LDLRAD3: variants seen among roughly 807,000 people sequenced by gnomAD.
LDLRAD3 encodes low density lipoprotein receptor class A domain containing 3.
In LDLRAD3, 20 loss-of-function variants were observed where a neutral mutation model predicts 29.4. That is an observed-to-expected ratio of 0.68 (90% CI 0.48 to 0.99). The LOEUF is 0.99. LDLRAD3 is among the 50% of genes least tolerant of loss of function. The probability of loss-of-function intolerance (pLI) is 0.00; values close to 1 mark genes in which losing one functional copy is unlikely to be tolerated. For synonymous variants in LDLRAD3, 157 were observed against 192.7 expected (o/e 0.81, Z 1.53); for missense variants, 420 against 454.3 (o/e 0.92, Z 0.69).
chr11:36,149,536 G>A (rs1235263997), intron 4 of LDLRAD3, among the ~76,000 whole-genome samples: 1 of 152,198 alleles, frequency 6.6e-6, no homozygotes. Context: ...CAGCAGTGTT[G>A]TCCAGCTGGT....
chr11:36,119,083 A>T (rs901333194), intron 4 of LDLRAD3, among the ~76,000 whole-genome samples: 2 of 152,222 alleles, frequency 1.3e-5, no homozygotes, highest in Non-Finnish European at 2.9e-5. Context: ...AGTAAAATAC[A>T]CTAACAATAG....
intron 1 of LDLRAD3, among the ~76,000 whole-genome samples, chr11:35,989,346 G>C (rs1481913057): frequency 6.6e-6 from 1 of 152,138 alleles, no homozygotes; most frequent in Non-Finnish European, 1.5e-5. Flanking sequence ...GATTGCTCTG[G>C]CTCTTTGGGC....
At chr11:36,170,904 C>T (rs1259080841) in intron 4 of LDLRAD3, among the ~76,000 whole-genome samples, 2 of 151,396 alleles carry the variant, frequency 1.3e-5, no homozygotes, top group Admixed American at 6.6e-5. Flanking sequence ...TGAGTTGAAG[C>T]GATTCTCCTG....
intron 1 of LDLRAD3, among the ~76,000 whole-genome samples, chr11:35,949,505 TC>T (rs1421208412): frequency 6.6e-6 from 1 of 152,164 alleles, no homozygotes; most frequent in Non-Finnish European, 1.5e-5. Context: ...TAATTCCTTC[TC>T]CCTTGCCATC....
chr11:36,088,309 G>T (rs1041493737), intron 3 of LDLRAD3, among the ~76,000 whole-genome samples: 2 of 152,078 alleles, frequency 1.3e-5, no homozygotes, highest in Non-Finnish European at 2.9e-5. Flanking sequence ...TGGCAGCACG[G>T]CTCTCACCCC....
chr11:36,013,588 G>A (rs541806053), intron 1 of LDLRAD3, among the ~76,000 whole-genome samples: 1 of 152,134 alleles, frequency 6.6e-6, no homozygotes, highest in South Asian at 2.1e-4. Flanking sequence ...TTAGTTTGCC[G>A]AGAGTGATGG....
At position 36,220,506 on chromosome 11, in the gene LDLRAD3, G is replaced by A. The variant is rs369175257; in HGVS notation, c.455-6579G>A. The stretch of plus-strand genomic sequence containing the variant: ...AAGGAATGAAATATTAACACTCAAA[G>A]AAACATGGATGAATCTCAAAAGCAG... On this transcript the variant is annotated intron_variant, in intron 4 of 5. Coordinates refer to ENST00000315571, the MANE Select transcript of LDLRAD3 (RefSeq NM_174902.4). 1.1e-4 allele frequency among the ~76,000 whole-genome samples: 16 copies of A among 152,274 alleles called. No homozygotes were observed. The South Asian group carries it at 2.1e-3, about 20-fold the overall frequency.
rs28483655 is a variant in LDLRAD3 at position 36,204,523 on chromosome 11, C to A, written c.455-22562C>A. On this transcript the variant is annotated intron_variant, in intron 4 of 5. Coordinates refer to ENST00000315571, the MANE Select transcript of LDLRAD3 (RefSeq NM_174902.4). The stretch of plus-strand genomic sequence containing the variant: ...CTTTTTTTTTTTTTTGAGATGAAGT[C>A]TTGCTCTTGTCATCCAGGTTGGAGT... 5.5e-3 allele frequency among the ~76,000 whole-genome samples: 779 copies of A among 142,420 alleles called. 11 individuals are homozygous for A. The highest frequency in any genetic ancestry group is 0.02 in the African/African-American group (745 of 37,892). The allele number at this position is 142,420 out of a possible 152,430, so 93.4% of individuals were successfully genotyped here.
intron 1 of LDLRAD3, among the ~76,000 whole-genome samples, chr11:36,015,246 T>C (rs551347798): frequency 6.6e-6 from 1 of 152,244 alleles, no homozygotes; most frequent in African/African-American, 2.4e-5. Context: ...GGAGTGGGGC[T>C]GTTTTGAGTA....
chr11:35,997,065 A>C (rs1447470882), intron 1 of LDLRAD3, among the ~76,000 whole-genome samples: 1 of 152,190 alleles, frequency 6.6e-6, no homozygotes, highest in East Asian at 1.9e-4. Context: ...AAAGTAATAC[A>C]CATACAGCAC....
chr11:36,208,563 C>T (rs1467355738), intron 4 of LDLRAD3, among the ~76,000 whole-genome samples: 1 of 152,312 alleles, frequency 6.6e-6, no homozygotes, highest in South Asian at 2.1e-4. Context: ...CCTTAAATGC[C>T]TCACCCTTCA....
At chr11:35,979,773 G>T (rs978511233) in intron 1 of LDLRAD3, among the ~76,000 whole-genome samples, 1 of 152,226 alleles carries the variant, frequency 6.6e-6, no homozygotes, top group East Asian at 1.9e-4. Flanking sequence ...GTTGAGAGAT[G>T]TGGTGGTTGA....
chr11:35,991,690 G>T (rs538208966), intron 1 of LDLRAD3, among the ~76,000 whole-genome samples: 6 of 152,284 alleles, frequency 3.9e-5, no homozygotes, highest in Non-Finnish European at 7.4e-5. Context: ...TCTCTGCAGA[G>T]CTCTCCCTCG....
At chr11:36,084,088 T>C (rs1208059937) in intron 3 of LDLRAD3, among the ~76,000 whole-genome samples, 1 of 139,410 alleles carries the variant, frequency 7.2e-6, no homozygotes, top group Non-Finnish European at 1.6e-5. Flanking sequence ...CCTCCTAATT[T>C]AAAAGCAATT....
Position 36,229,714 on chromosome 11 carries a change from G to T in LDLRAD3, c.*317G>T. 3.1e-6 allele frequency: 1 copy of T among 320,494 alleles called. No homozygotes were observed. Among genetic ancestry groups the T allele is most frequent in the Non-Finnish European group, 5.8e-6 (1 of 172,064 alleles). 19.9% of individuals were successfully genotyped at this position (320,494 alleles called of 1,614,324 possible). On this transcript the variant is annotated 3_prime_UTR_variant, in exon 6 of 6. Coordinates refer to ENST00000315571, the MANE Select transcript of LDLRAD3 (RefSeq NM_174902.4). ...ATAAAACAGTATTGAAATAGGCTGG[G>T]AGAGAGCAATGTTTCTGTGCTATAT...
rs531875711 is a variant in LDLRAD3 at position 35,952,417 on chromosome 11, G to A, written c.46+8273G>A. ...TTTGTTAGAGAGCCATTGGAGTGGGGGGCATCTCAAGTTGATTCTACTCAA... is the reference window on the plus strand; with the variant it reads ...TTTGTTAGAGAGCCATTGGAGTGGGAGGCATCTCAAGTTGATTCTACTCAA... On this transcript the variant is annotated intron_variant, in intron 1 of 5. Coordinates refer to ENST00000315571, the MANE Select transcript of LDLRAD3 (RefSeq NM_174902.4). Among the ~76,000 whole-genome samples the A allele has an allele frequency of 1.1e-3, 168 of 152,272 alleles. 1 individual carries two copies. Among genetic ancestry groups the A allele is most frequent in the African/African-American group, 3.8e-3 (156 of 41,558 alleles).
chr11:36,072,725 T>C (rs1245255554), intron 2 of LDLRAD3, among the ~76,000 whole-genome samples: 1 of 152,226 alleles, frequency 6.6e-6, no homozygotes, highest in African/African-American at 2.4e-5. Flanking sequence ...CTCAGTTTTG[T>C]CATCTGTGGA....
intron 1 of LDLRAD3, among the ~76,000 whole-genome samples, chr11:35,962,835 G>A (rs1210725626): frequency 1.3e-5 from 2 of 152,150 alleles, no homozygotes; most frequent in Non-Finnish European, 2.9e-5. Flanking sequence ...ACGTGGGTGG[G>A]GAACGAAACA....
Position 35,982,915 on chromosome 11 carries a change from G to A in LDLRAD3, c.46+38771G>A, listed in dbSNP as rs11033361. Among the ~76,000 whole-genome samples the A allele has an allele frequency of 1.2e-4, 17 of 138,718 alleles. No homozygotes were observed. The East Asian group carries it at 2.3e-3, about 18-fold the overall frequency. The allele number at this position is 138,718 out of a possible 152,430, so 91.0% of individuals were successfully genotyped here. On this transcript the variant is annotated intron_variant, in intron 1 of 5. Transcript: ENST00000315571. ...GTCGTCCAAGCTGCAGTGCGGTGTC[G>A]CAATCTCAACTCATTACAACCTCTG...
Sources: gnomAD v4.1 joint callset for allele counts (sites outside exome capture counted in the v4.1 genomes callset) on GRCh38, gnomAD v4.1.1 for gene constraint, MANE v1.5 for transcripts, NCBI Gene and HGNC (gene_info 2026-07-23, HGNC 2026-07-21) for gene names.